SLC49A3: variants seen among roughly 807,000 people sequenced by gnomAD.
SLC49A3 encodes the protein solute carrier family 49 member 3, also known as solute carrier family 49 member A3.
Under a neutral mutation model 43.8 loss-of-function variants are expected in SLC49A3, and 50 were observed. The observed-to-expected ratio is 1.14, with a 90% CI of 0.91 to 1.45. The LOEUF is 1.45. SLC49A3 is among the 40% of genes most tolerant of loss of function. The pLI is 0.00. For synonymous variants in SLC49A3, 413 were observed against 352.0 expected (o/e 1.17, Z -1.94); for missense variants, 906 against 774.1 (o/e 1.17, Z -2.02).
At position 684,520 on chromosome 4, in the gene SLC49A3, A is replaced by G. The variant is rs1417165160; in HGVS notation, c.803T>C (p.Leu268Pro). 1.2e-6 allele frequency: 2 copies of G among 1,613,190 alleles called. No homozygotes were observed. The highest frequency in any genetic ancestry group is 2.7e-5 in the African/African-American group (2 of 75,026). The part of the protein sequence containing the change: ...MIGISASFSA[L>P]LEQILCASGH... The stretch of plus-strand genomic sequence containing the variant: ...GCTTGCACAGAGGATCTGCTCCAGG[A>G]GGGCTGAGAAGCTGGCAGAGATCCC... The change falls in exon 6 of 10, where the codon CTC becomes CCC. Residue 268 changes from leucine (L) to proline (P), a missense_variant. By Grantham distance (98) the Leu-to-Pro change is moderately conservative (BLOSUM62 -3). Coordinates refer to ENST00000322224, the MANE Select transcript of SLC49A3 (RefSeq NM_032219.4).
downstream of SLC49A3, chr4:679,881 C>G: frequency 6.3e-7 from 1 of 1,579,154 alleles, no homozygotes; most frequent in Non-Finnish European, 8.7e-7. Context: ...AGGCAACAAG[C>G]CCTGCCCTGT....
At chr4:680,786 C>A (rs929545767), downstream of SLC49A3, 24 of 656,864 alleles carry the variant, frequency 3.7e-5, no homozygotes, top group African/African-American at 3.7e-4. Flanking sequence ...GCGCCTGTGC[C>A]CGGTGGGGGT....
chr4:688,912 C>T, intron 1 of SLC49A3, 81 bp downstream of exon 1: 1 of 1,500,186 alleles, frequency 6.7e-7, no homozygotes, highest in Non-Finnish European at 8.8e-7. Flanking sequence ...GCACCTCGGG[C>T]TGTGGCCACA....
chr4:683,059 G>A, intron 8 of SLC49A3, 151 bp downstream of exon 8: 2 of 1,176,374 alleles, frequency 1.7e-6, no homozygotes, highest in African/African-American at 1.5e-5. Context: ...GCACACAGCA[G>A]GTGCTCAGAA....
downstream of SLC49A3, chr4:680,694 C>T: frequency 8.6e-7 from 1 of 1,163,234 alleles, no homozygotes; most frequent in Non-Finnish European, 1.2e-6. Context: ...CACCTCCCCA[C>T]CTCTGACCAG....
At chr4:680,294 C>T (rs1396839824), downstream of SLC49A3, among the ~76,000 whole-genome samples, 1 of 152,128 alleles carries the variant, frequency 6.6e-6, no homozygotes, top group Non-Finnish European at 1.5e-5. Flanking sequence ...TGACCCTGGG[C>T]ACCCCAAAAC....
chr4:690,821 G>A (rs528057280), upstream of SLC49A3, among the ~76,000 whole-genome samples: 1 of 152,382 alleles, frequency 6.6e-6, no homozygotes, highest in African/African-American at 2.4e-5. Context: ...TTGAGCAGGT[G>A]AGCTCAGCAA....
At chr4:683,015 C>G (rs1278368190) in intron 8 of SLC49A3, 125 bp from the exon 9 acceptor site, 2 of 1,110,970 alleles carry the variant, frequency 1.8e-6, no homozygotes, top group Admixed American at 2.4e-5. Flanking sequence ...CAGCACGCAG[C>G]CTCGGTCATG....
At chr4:684,237 C>A (rs1166434719) in intron 6 of SLC49A3, among the ~76,000 whole-genome samples, 1 of 152,158 alleles carries the variant, frequency 6.6e-6, no homozygotes, top group Admixed American at 6.5e-5. Flanking sequence ...TTCCCATCCA[C>A]AGGGCACCGT....
upstream of SLC49A3, among the ~76,000 whole-genome samples, chr4:689,597 C>T (rs1018950421): frequency 6.6e-6 from 1 of 152,212 alleles, no homozygotes. Context: ...CGCAGAGCCT[C>T]AAATCAGACC....
downstream of SLC49A3, among the ~76,000 whole-genome samples, chr4:680,332 G>A (rs988959951): frequency 5.9e-5 from 9 of 152,184 alleles, no homozygotes; most frequent in Admixed American, 3.9e-4. Flanking sequence ...AGGAGTGCCC[G>A]ACAAGGCCTC....
chr4:687,559 G>A (rs569551619), intron 1 of SLC49A3, among the ~76,000 whole-genome samples: 13 of 152,310 alleles, frequency 8.5e-5, no homozygotes, highest in East Asian at 5.8e-4. Flanking sequence ...CTGCGGAGCC[G>A]AGCCCGCCGC....
chr4:681,184 G>A, downstream of SLC49A3: 1 of 1,577,618 alleles, frequency 6.3e-7, no homozygotes, highest in Non-Finnish European at 8.6e-7. Flanking sequence ...GGGGAGGGCG[G>A]GGCTCCCGGG....
chr4:689,069 T>TG lies in SLC49A3; in HGVS notation c.58dup (p.Gln20ProfsTer36), dbSNP rs763639725. The TG allele has an allele frequency of 6.4e-7, 1 of 1,572,194 alleles. No individual in the cohort carries two copies. Among genetic ancestry groups the TG allele is most frequent in the Non-Finnish European group, 8.6e-7 (1 of 1,164,502 alleles). On this transcript the variant is annotated frameshift_variant, in exon 1 of 10. Coordinates refer to ENST00000322224, the MANE Select transcript of SLC49A3 (RefSeq NM_032219.4). LOFTEE classifies it high-confidence loss of function. ...GCGCGCGTAGGTGCGGTGGCCCCGC[T>TG]GCGCGCACAGGGCCCGGGGCTCGGC...
chr4:684,621 G>T, intron 5 of SLC49A3, 22 bp from the exon 6 acceptor site: 1 of 1,612,212 alleles, frequency 6.2e-7, no homozygotes, highest in South Asian at 1.1e-5. Context: ...GAGCGTCTCA[G>T]CCCCGGAGCC....
At chr4:689,270 A>G, upstream of SLC49A3, 1 of 440,816 alleles carries the variant, frequency 2.3e-6, no homozygotes, top group Non-Finnish European at 3.6e-6. Flanking sequence ...CCCAAGGACT[A>G]CGGAGGAGGG....
rs1423664338 is a variant in SLC49A3, at chr4:685,433, C to T, written c.585+402G>A. Among the ~76,000 whole-genome samples, 1 of 151,936 alleles carries T rather than the reference C, an allele frequency of 6.6e-6. No homozygotes were observed. The highest frequency in any genetic ancestry group is 1.5e-5 in the Non-Finnish European group (1 of 67,992). On this transcript the variant is annotated intron_variant, in intron 4 of 9. Coordinates refer to ENST00000322224, the MANE Select transcript of SLC49A3 (RefSeq NM_032219.4). The surrounding 1 kb of genome is among the most constrained non-coding windows in gnomAD (Gnocchi z 4.3). Reference sequence around the variant, plus strand: ...ATCACACACTGGCCGGGCGCGGTGGCTCACGCCTGTCATCCTAGCACTTTG... The same window carrying T: ...ATCACACACTGGCCGGGCGCGGTGGTTCACGCCTGTCATCCTAGCACTTTG...
At chr4:690,277 T>C (rs1560183663), upstream of SLC49A3, among the ~76,000 whole-genome samples, 1 of 151,502 alleles carries the variant, frequency 6.6e-6, no homozygotes, top group Non-Finnish European at 1.5e-5. Flanking sequence ...ACCCGGGGTG[T>C]CCTGAGATGG....
chr4:679,965 CG>C (rs750440096), downstream of SLC49A3: 1 of 1,613,528 alleles, frequency 6.2e-7, no homozygotes, highest in Non-Finnish European at 8.5e-7. Flanking sequence ...AAAGAGGCCT[CG>C]GGGCCCATCA....
Sources: allele counts gnomAD v4.1 joint callset (sites outside exome capture counted in the v4.1 genomes callset), GRCh38; gene constraint gnomAD v4.1.1; non-coding constraint Gnocchi (gnomAD v3.1); transcripts MANE v1.5; gene names NCBI Gene and HGNC (gene_info 2026-07-23, HGNC 2026-07-21).